The following THRB variants were observed in gnomAD, a reference collection of about 807,000 sequenced individuals.
THRB encodes thyroid hormone receptor beta.
THRB carries 12 observed loss-of-function variants against 47.8 expected under a neutral mutation model. That is an observed-to-expected ratio of 0.25 (90% CI 0.16 to 0.41). The LOEUF (loss-of-function observed/expected upper bound fraction) is 0.41, where lower values mean the gene tolerates loss of function less well. THRB is among the 10% of genes least tolerant of loss of function. THRB has a pLI of 1.00. For missense variants in THRB, 348 were observed against 589.2 expected (o/e 0.59, Z 4.24); for synonymous variants, 218 against 212.2 (o/e 1.03, Z -0.24).
At chr3:24,367,125 CAG>C (rs1429622556) in intron 1 of THRB, among the ~76,000 whole-genome samples, 1 of 152,150 alleles carries the variant, frequency 6.6e-6, no homozygotes, top group Non-Finnish European at 1.5e-5. Flanking sequence ...TACAAATGGT[CAG>C]AGTTACTACC....
At chr3:24,247,063 C>A (rs2050174834) in intron 3 of THRB, among the ~76,000 whole-genome samples, 2 of 152,210 alleles carry the variant, frequency 1.3e-5, no homozygotes, top group Admixed American at 1.3e-4. Flanking sequence ...CACTTCTTAG[C>A]TCCATGGCAA....
intron 1 of THRB, among the ~76,000 whole-genome samples, chr3:24,368,054 T>G (rs2064611380): frequency 6.6e-6 from 1 of 152,150 alleles, no homozygotes; most frequent in Non-Finnish European, 1.5e-5. Context: ...TAATCCCACA[T>G]ACAAGATAAC....
At chr3:24,146,185 C>T (rs1454538005) in intron 7 of THRB, among the ~76,000 whole-genome samples, 2 of 152,152 alleles carry the variant, frequency 1.3e-5, no homozygotes, top group African/African-American at 2.4e-5. Flanking sequence ...TTTCTGAACA[C>T]GATGTTTTCT....
chr3:24,277,383 T>C (rs1221035369), intron 3 of THRB, among the ~76,000 whole-genome samples: 2 of 152,138 alleles, frequency 1.3e-5, no homozygotes, highest in Non-Finnish European at 1.5e-5. Context: ...AAATCAGTAA[T>C]ATTCAAAATA....
intron 1 of THRB, among the ~76,000 whole-genome samples, chr3:24,360,211 C>G (rs1226312332): frequency 6.6e-6 from 1 of 152,148 alleles, no homozygotes; most frequent in Non-Finnish European, 1.5e-5. Context: ...ACCCTAACAG[C>G]ACTCCAAGGG....
chr3:24,387,413 C>G (rs2066209201), intron 1 of THRB, among the ~76,000 whole-genome samples: 1 of 152,162 alleles, frequency 6.6e-6, no homozygotes, highest in South Asian at 2.1e-4. Flanking sequence ...GTTGGCATTA[C>G]TTTGGTGAGC....
At chr3:24,240,728 G>A (rs1052323520) in intron 3 of THRB, among the ~76,000 whole-genome samples, 3 of 152,118 alleles carry the variant, frequency 2.0e-5, no homozygotes, top group Non-Finnish European at 4.4e-5. Context: ...CAATTGCTGG[G>A]CTCCATTCCC....
intron 1 of THRB, among the ~76,000 whole-genome samples, chr3:24,386,797 G>A (rs1170566690): frequency 3.9e-5 from 6 of 152,118 alleles, no homozygotes; most frequent in African/African-American, 1.4e-4. Flanking sequence ...CTTAAGCAAG[G>A]TGCTTAAACC....
At chr3:24,267,579 C>T (rs2052793898) in intron 3 of THRB, among the ~76,000 whole-genome samples, 1 of 152,118 alleles carries the variant, frequency 6.6e-6, no homozygotes, top group Non-Finnish European at 1.5e-5. Flanking sequence ...AACCAAAACC[C>T]CTTATCCTTA....
At chr3:24,141,045 C>T (rs998201360) in intron 8 of THRB, among the ~76,000 whole-genome samples, 1 of 152,150 alleles carries the variant, frequency 6.6e-6, no homozygotes, top group Non-Finnish European at 1.5e-5. Flanking sequence ...AAAAATGGCT[C>T]GGAGAAGCAG....
At chr3:24,395,461 C>A (rs2066888267) in intron 1 of THRB, among the ~76,000 whole-genome samples, 1 of 151,984 alleles carries the variant, frequency 6.6e-6, no homozygotes, top group South Asian at 2.1e-4. Flanking sequence ...GGCAAAGGAT[C>A]TAAATTAGAA....
At chr3:24,200,115 C>T (rs1408356131) in intron 4 of THRB, among the ~76,000 whole-genome samples, 1 of 152,132 alleles carries the variant, frequency 6.6e-6, no homozygotes, top group Non-Finnish European at 1.5e-5. Context: ...AGAAAAGCTA[C>T]AGTGGTTGCA....
intron 1 of THRB, among the ~76,000 whole-genome samples, chr3:24,461,576 C>T (rs527802239): frequency 2.0e-5 from 3 of 152,290 alleles, no homozygotes; most frequent in Non-Finnish European, 2.9e-5. Flanking sequence ...AATGATTAAT[C>T]CATCGTTGAC....
chr3:24,404,388 C>A (rs2067658888), intron 1 of THRB, among the ~76,000 whole-genome samples: 1 of 151,924 alleles, frequency 6.6e-6, no homozygotes, highest in African/African-American at 2.4e-5. Context: ...GCAGAATTTT[C>A]ACACTTATCA....
At chr3:24,452,627 G>A (rs1007999881) in intron 1 of THRB, among the ~76,000 whole-genome samples, 19 of 152,036 alleles carry the variant, frequency 1.2e-4, no homozygotes, top group African/African-American at 3.9e-4. Context: ...CCCAGGAACC[G>A]GCGCTATAAA....
intron 5 of THRB, among the ~76,000 whole-genome samples, chr3:24,188,067 TCTGA>T (rs1481293204): frequency 6.6e-6 from 1 of 152,214 alleles, no homozygotes; most frequent in Non-Finnish European, 1.5e-5. Context: ...TCATTACATC[TCTGA>T]CTTTCAGTGA....
At chr3:24,158,497 C>T (rs1420175131) in intron 5 of THRB, among the ~76,000 whole-genome samples, 4 of 151,334 alleles carry the variant, frequency 2.6e-5, no homozygotes, top group Non-Finnish European at 4.4e-5. Context: ...GGCACGATCT[C>T]GGCTCGCTGC....
At chr3:24,125,703 T>C (rs1308868985) in intron 10 of THRB, among the ~76,000 whole-genome samples, 1 of 152,184 alleles carries the variant, frequency 6.6e-6, no homozygotes, top group Non-Finnish European at 1.5e-5. Flanking sequence ...ATAGCTCCTG[T>C]CATGGGAACT....
At chr3:24,291,934 G>A (rs190451227) in intron 3 of THRB, among the ~76,000 whole-genome samples, 21 of 152,068 alleles carry the variant, frequency 1.4e-4, no homozygotes, top group African/African-American at 4.3e-4. Context: ...GTTCATTGTA[G>A]GTTTTATGAA....
Sources: allele counts gnomAD v4.1 joint callset (sites outside exome capture counted in the v4.1 genomes callset), GRCh38; gene constraint gnomAD v4.1.1; transcripts MANE v1.5; gene names NCBI Gene and HGNC (gene_info 2026-07-23, HGNC 2026-07-21).